GRIP1: variants seen among roughly 807,000 people sequenced by gnomAD.
The protein encoded by GRIP1 is glutamate receptor-interacting protein 1.
In GRIP1, 45 loss-of-function variants were observed where a neutral mutation model predicts 129.9. The observed-to-expected ratio is 0.35, with a 90% CI of 0.27 to 0.44. The LOEUF is 0.44. Among genes scored for constraint, GRIP1 ranks in the 20% least tolerant of loss-of-function variants. The pLI is 1.00. For missense variants in GRIP1, 1,196 were observed against 1,396.8 expected (o/e 0.86, Z 2.29); for synonymous variants, 530 against 520.8 (o/e 1.02, Z -0.24).
At chr12:66,830,423 G>A (rs964971279) in intron 1 of GRIP1, among the ~76,000 whole-genome samples, 2 of 152,110 alleles carry the variant, frequency 1.3e-5, no homozygotes, top group African/African-American at 2.4e-5. Flanking sequence ...GAGACAGAGT[G>A]AGCCTTGAAG....
intron 5 of GRIP1, among the ~76,000 whole-genome samples, chr12:66,522,169 G>A (rs564204237): frequency 1.3e-5 from 2 of 152,344 alleles, no homozygotes; most frequent in South Asian, 4.1e-4. Context: ...CTCCCAGCAT[G>A]CAGCTGTAGA....
intron 2 of GRIP1, among the ~76,000 whole-genome samples, chr12:66,584,248 G>A (rs943164721): frequency 1.3e-5 from 2 of 149,950 alleles, no homozygotes; most frequent in Admixed American, 6.7e-5. Flanking sequence ...TCACACTCTG[G>A]GGACTGTTGT....
intron 1 of GRIP1, among the ~76,000 whole-genome samples, chr12:67,056,234 A>C (rs2043433464): frequency 6.6e-6 from 1 of 152,204 alleles, no homozygotes. Flanking sequence ...TTCAGACAGG[A>C]CACAGTGAAC....
chr12:66,379,563 G>A (rs2055998873), intron 19 of GRIP1, 127 bp from the exon 20 acceptor site: 3 of 950,398 alleles, frequency 3.2e-6, no homozygotes, highest in African/African-American at 1.6e-5. Flanking sequence ...AACACATAGT[G>A]TGTGCTTATT....
intron 1 of GRIP1, among the ~76,000 whole-genome samples, chr12:66,761,657 T>C (rs1310637765): frequency 6.6e-6 from 1 of 152,226 alleles, no homozygotes. Context: ...TATTGACCTG[T>C]GCCTTTCCTT....
At chr12:66,517,181 T>C (rs893061314) in intron 6 of GRIP1, among the ~76,000 whole-genome samples, 102 of 152,298 alleles carry the variant, frequency 6.7e-4, no homozygotes, top group African/African-American at 2.4e-3. Context: ...ATGGCAGCAG[T>C]TGTGTTCCCC....
At chr12:66,684,110 C>T (rs1251059077), upstream of GRIP1, among the ~76,000 whole-genome samples, 2 of 152,138 alleles carry the variant, frequency 1.3e-5, no homozygotes, top group Non-Finnish European at 2.9e-5. Flanking sequence ...ATCTGTGTAA[C>T]GTGCCTAGAA....
At chr12:66,910,638 G>A (rs2041013856) in intron 1 of GRIP1, among the ~76,000 whole-genome samples, 1 of 151,878 alleles carries the variant, frequency 6.6e-6, no homozygotes, top group African/African-American at 2.4e-5. Context: ...ACATTTTGAG[G>A]ACAAGGAAAA....
At chr12:66,458,517 T>C (rs1352313111) in intron 9 of GRIP1, among the ~76,000 whole-genome samples, 1 of 152,160 alleles carries the variant, frequency 6.6e-6, no homozygotes, top group Non-Finnish European at 1.5e-5. Flanking sequence ...ACCCAGTAGC[T>C]GGGATTATAG....
At chr12:66,457,266 G>T (rs1309787071) in intron 9 of GRIP1, among the ~76,000 whole-genome samples, 2 of 152,008 alleles carry the variant, frequency 1.3e-5, no homozygotes, top group Non-Finnish European at 2.9e-5. Flanking sequence ...AATAACATAT[G>T]AACTTATTTT....
chr12:66,625,001 C>CT (rs11375282), intron 1 of GRIP1, among the ~76,000 whole-genome samples: 62,689 of 145,250 alleles, frequency 0.43, 13,379 homozygotes, highest in Middle Eastern at 0.48. Flanking sequence ...ATTTCAGTTC[C>CT]TTTTTTTTTT....
At chr12:66,860,336 G>A (rs1246259605) in intron 1 of GRIP1, among the ~76,000 whole-genome samples, 1 of 152,056 alleles carries the variant, frequency 6.6e-6, no homozygotes, top group Non-Finnish European at 1.5e-5. Context: ...TTGTTACAAA[G>A]ATTAAATATG....
chr12:66,624,251 G>C (rs2065391718), intron 1 of GRIP1, among the ~76,000 whole-genome samples: 1 of 152,094 alleles, frequency 6.6e-6, no homozygotes, highest in East Asian at 1.9e-4. Flanking sequence ...CAAAGGTCTA[G>C]ATTATGTTGC....
chr12:66,353,436 G>GGCTTTA lies in GRIP1; in HGVS notation c.3134_3139dup (p.Leu1045_Lys1046dup). ...TCTTACCTGTAAGAGCCTGTCATAG[G>GGCTTTA]GCTTTAAGCCACCAAGATCTCCTGG... On this transcript the variant is annotated inframe_insertion, in exon 24 of 25. Coordinates refer to ENST00000359742, the MANE Select transcript of GRIP1 (RefSeq NM_001366722.1). The GGCTTTA allele has an allele frequency of 6.2e-7, 1 of 1,612,476 alleles. No homozygotes were observed. Among genetic ancestry groups the GGCTTTA allele is most frequent in the Non-Finnish European group, 8.5e-7 (1 of 1,178,566 alleles).
At chr12:66,981,396 C>T (rs2042241054) in intron 1 of GRIP1, among the ~76,000 whole-genome samples, 3 of 152,102 alleles carry the variant, frequency 2.0e-5, no homozygotes, top group Non-Finnish European at 2.9e-5. Flanking sequence ...TCCTTGGTTC[C>T]TTGCATAAAG....
At chr12:66,973,687 A>G (rs1439850049) in intron 1 of GRIP1, among the ~76,000 whole-genome samples, 1 of 152,038 alleles carries the variant, frequency 6.6e-6, no homozygotes, top group African/African-American at 2.4e-5. Flanking sequence ...CCATCCAGTA[A>G]AAGACCACAT....
At chr12:66,956,173 T>A (rs1243500427) in intron 1 of GRIP1, among the ~76,000 whole-genome samples, 1 of 152,232 alleles carries the variant, frequency 6.6e-6, no homozygotes, top group Non-Finnish European at 1.5e-5. Context: ...TTTCCACTCC[T>A]GGACAGCATG....
chr12:67,058,877 G>C (rs968171514), intron 1 of GRIP1, among the ~76,000 whole-genome samples: 4 of 152,058 alleles, frequency 2.6e-5, no homozygotes, highest in African/African-American at 9.7e-5. Context: ...TTCAGATAGG[G>C]AACAGCAAAG....
At chr12:66,521,599 G>C (rs564984212) in intron 5 of GRIP1, among the ~76,000 whole-genome samples, 1 of 152,310 alleles carries the variant, frequency 6.6e-6, no homozygotes, top group South Asian at 2.1e-4. Context: ...GGTGATTTCT[G>C]CATTTCCATC....
Sources: gnomAD v4.1 joint callset for allele counts (sites outside exome capture counted in the v4.1 genomes callset) on GRCh38, gnomAD v4.1.1 for gene constraint, MANE v1.5 for transcripts, NCBI Gene and HGNC (gene_info 2026-07-23, HGNC 2026-07-21) for gene names.